The following RASGRP3 variants were observed in gnomAD, a reference collection of about 807,000 sequenced individuals.
RASGRP3 encodes the protein ras guanyl-releasing protein 3.
A neutral mutation model predicts 82.7 loss-of-function variants in RASGRP3; 54 were observed. That is an observed-to-expected ratio of 0.65 (90% CI 0.52 to 0.82). The LOEUF is 0.82. Among genes scored for constraint, RASGRP3 ranks in the 40% least tolerant of loss-of-function variants. The pLI is 0.00. For synonymous variants in RASGRP3, 309 were observed against 300.5 expected (o/e 1.03, Z -0.29); for missense variants, 861 against 828.9 (o/e 1.04, Z -0.48).
chr2:33,462,039 C>T lies in RASGRP3; in HGVS notation c.-261+14096C>T, dbSNP rs1396247213. Reference sequence around the variant, plus strand: ...TGGTAATTAAAGTGAAGAGCAAAAGCGATTAACTGGAACATTGACATTGTT... The same window carrying T: ...TGGTAATTAAAGTGAAGAGCAAAAGTGATTAACTGGAACATTGACATTGTT... On this transcript the variant is annotated intron_variant, in intron 2 of 18. Coordinates refer to the RASGRP3 transcript ENST00000402538. 2.0e-5 allele frequency among the ~76,000 whole-genome samples: 3 copies of T among 152,026 alleles called. No individual in the cohort carries two copies. In the East Asian group the frequency reaches 5.8e-4, roughly 29 times the overall value.
chr2:33,558,886 C>A lies in RASGRP3; in HGVS notation c.1920C>A (p.Phe640Leu), dbSNP rs761689219. The A allele has an allele frequency of 1.9e-6, 3 of 1,614,000 alleles. No individual in the cohort carries two copies. Among genetic ancestry groups the A allele is most frequent in the East Asian group, 4.5e-5 (2 of 44,882 alleles). The change falls in exon 17 of 18, where the codon TTC becomes TTA. Residue 640 changes from phenylalanine (F) to leucine (L), a missense_variant. By Grantham distance (22) the Phe-to-Leu change is conservative. Transcript: ENST00000403687. ...SHTFPKMKSK[F>L]HDKAAKDKGF... ...CCTTCCCTAAAATGAAATCCAAGTT[C>A]CATGACAAAGCAGCAAAGGACAAAG...
intron 1 of RASGRP3, among the ~76,000 whole-genome samples, chr2:33,483,591 T>C (rs61382538): frequency 0.19 from 28,722 of 148,980 alleles, 3,769 homozygotes; most frequent in African/African-American, 0.38. Flanking sequence ...CGGGTTCAAG[T>C]GATTCTCCTG....
At chr2:33,513,693 A>G (rs998908156) in intron 2 of RASGRP3, among the ~76,000 whole-genome samples, 1 of 152,228 alleles carries the variant, frequency 6.6e-6, no homozygotes, top group Non-Finnish European at 1.5e-5. Context: ...TGTAAAATAA[A>G]GTGATAATGT....
At chr2:33,531,568 A>T (rs755181011) in intron 10 of RASGRP3, among the ~76,000 whole-genome samples, 2 of 152,208 alleles carry the variant, frequency 1.3e-5, no homozygotes, top group Non-Finnish European at 2.9e-5. Flanking sequence ...GACACCCATT[A>T]GCTCATTTCA....
Position 33,504,194 on chromosome 2 carries a change from T to C in RASGRP3, c.-260-7516T>C, listed in dbSNP as rs1167402927. Among the ~76,000 whole-genome samples the C allele has an allele frequency of 5.9e-5, 9 of 152,340 alleles. No individual in the cohort carries two copies. In the South Asian group the frequency reaches 1.4e-3, roughly 25 times the overall value. On this transcript the variant is annotated intron_variant, in intron 1 of 17. Coordinates refer to ENST00000403687, the MANE Select transcript of RASGRP3 (RefSeq NM_001139488.2). ...CAACCACCTTACTGTCTGACACTAT[T>C]GGACTTAGCCTGTATTTTCTATTGT... is the stretch of plus-strand genomic sequence containing the variant.
intron 1 of RASGRP3, among the ~76,000 whole-genome samples, 174 bp downstream of exon 1, chr2:33,476,881 G>A: frequency 6.6e-6 from 1 of 151,204 alleles, no homozygotes; most frequent in Non-Finnish European, 1.5e-5. Context: ...CCTGTTAACA[G>A]CCATTGGTGT....
chr2:33,465,902 A>G (rs35704749), intron 2 of RASGRP3, among the ~76,000 whole-genome samples: 36,229 of 151,518 alleles, frequency 0.24, 4,662 homozygotes, highest in South Asian at 0.33. Flanking sequence ...CAAAGCCTGG[A>G]TAACAGCACA....
At chr2:33,464,841 G>A (rs1443662952) in intron 2 of RASGRP3, among the ~76,000 whole-genome samples, 6 of 152,096 alleles carry the variant, frequency 3.9e-5, no homozygotes, top group Admixed American at 3.9e-4. Flanking sequence ...CATATTGGCT[G>A]GCAAACTTAA....
intron 1 of RASGRP3, among the ~76,000 whole-genome samples, chr2:33,439,203 C>A (rs941606588): frequency 1.3e-5 from 2 of 152,132 alleles, no homozygotes; most frequent in African/African-American, 4.8e-5. Flanking sequence ...AATCTCTATC[C>A]TTGAAAAACT....
At chr2:33,472,420 C>T (rs1399433612), upstream of RASGRP3, among the ~76,000 whole-genome samples, 1 of 152,172 alleles carries the variant, frequency 6.6e-6, no homozygotes, top group Non-Finnish European at 1.5e-5. Flanking sequence ...GTAAAACATA[C>T]ATTGAGATCA....
chr2:33,479,167 T>C (rs1276828348), intron 1 of RASGRP3, among the ~76,000 whole-genome samples: 1 of 152,222 alleles, frequency 6.6e-6, no homozygotes, highest in African/African-American at 2.4e-5. Flanking sequence ...TGTTATGCCC[T>C]TTTCGAGCTC....
chr2:33,529,248 A>C (rs546242152), intron 10 of RASGRP3, among the ~76,000 whole-genome samples: 2 of 152,004 alleles, frequency 1.3e-5, no homozygotes, highest in East Asian at 3.9e-4. Context: ...TAATTCCAGC[A>C]CTTTGGGAGG....
At chr2:33,520,483 C>G (rs79105708) in intron 5 of RASGRP3, 70 bp from the exon 6 acceptor site, 1 of 1,576,904 alleles carries the variant, frequency 6.3e-7, no homozygotes, top group Non-Finnish European at 8.7e-7. Flanking sequence ...GTCTGTAAAA[C>G]GGTACAATCG....
chr2:33,509,392 A>G (rs1670715063), intron 1 of RASGRP3, among the ~76,000 whole-genome samples: 1 of 148,690 alleles, frequency 6.7e-6, no homozygotes. Context: ...ACAGAGCAAG[A>G]CCATCTCAAA....
intron 13 of RASGRP3, among the ~76,000 whole-genome samples, chr2:33,547,069 AAAAAAG>A (rs1674843981): frequency 7.3e-6 from 1 of 137,270 alleles, no homozygotes; most frequent in African/African-American, 2.8e-5. Context: ...AAAAAAAAAA[AAAAAAG>A]AGAGAGAGAA....
At chr2:33,446,303 C>G (rs2150878225) in intron 1 of RASGRP3, among the ~76,000 whole-genome samples, 1 of 152,206 alleles carries the variant, frequency 6.6e-6, no homozygotes, top group South Asian at 2.1e-4. Flanking sequence ...ACTACAGGCA[C>G]CCGCCACCAC....
chr2:33,533,215 C>T (rs1030150486), intron 10 of RASGRP3: 12 of 152,142 alleles, frequency 7.9e-5, no homozygotes, highest in African/African-American at 2.9e-4. Context: ...TGAGTGGAAA[C>T]ATGCACTGTA....
chr2:33,536,934 C>A (rs1558500898), intron 11 of RASGRP3, among the ~76,000 whole-genome samples: 1 of 152,162 alleles, frequency 6.6e-6, no homozygotes, highest in African/African-American at 2.4e-5. Flanking sequence ...GCTCTTTTAG[C>A]AGTTGCTGTC....
intron 1 of RASGRP3, among the ~76,000 whole-genome samples, chr2:33,493,916 G>T (rs1432166947): frequency 6.6e-6 from 1 of 151,944 alleles, no homozygotes; most frequent in Non-Finnish European, 1.5e-5. Flanking sequence ...ATGGCCAAAG[G>T]GTGGCTTCGT....
Sources: allele counts gnomAD v4.1 joint callset (sites outside exome capture counted in the v4.1 genomes callset), GRCh38; gene constraint gnomAD v4.1.1; transcripts MANE v1.5; gene names NCBI Gene and HGNC (gene_info 2026-07-23, HGNC 2026-07-21).